Variants in THSD7A observed in about 807,000 individuals in gnomAD.
The protein encoded by THSD7A is thrombospondin type-1 domain-containing protein 7A.
In THSD7A, 96 loss-of-function variants were observed where a neutral mutation model predicts 231.3. That is an observed-to-expected ratio of 0.41 (90% CI 0.35 to 0.49). The LOEUF is 0.49. THSD7A is among the 20% of genes least tolerant of loss of function. The pLI is 0.05. For missense variants in THSD7A, 2,290 were observed against 2,070.2 expected, an observed-to-expected ratio of 1.11 and a Z score of -2.06; for synonymous variants, 940 against 743.3, an observed-to-expected ratio of 1.26 and a Z score of -4.30.
intron 1 of THSD7A, among the ~76,000 whole-genome samples, chr7:11,796,133 C>T (rs972397425): frequency 6.9e-6 from 1 of 145,172 alleles, no homozygotes; most frequent in African/African-American, 2.5e-5. Flanking sequence ...ACTTAGGAAG[C>T]ATTGATTAAT....
chr7:11,704,653 T>C (rs917280513), intron 1 of THSD7A, among the ~76,000 whole-genome samples: 1 of 151,034 alleles, frequency 6.6e-6, no homozygotes, highest in Non-Finnish European at 1.5e-5. Context: ...TCTTATTCAC[T>C]AGAGTGAAGT....
At chr7:11,436,499 A>G (rs945170103) in intron 13 of THSD7A, among the ~76,000 whole-genome samples, 2 of 152,064 alleles carry the variant, frequency 1.3e-5, no homozygotes, top group African/African-American at 4.8e-5. Flanking sequence ...CTTTTGGGTA[A>G]TACAAACTAT....
intron 1 of THSD7A, among the ~76,000 whole-genome samples, chr7:11,658,145 C>G (rs1782779901): frequency 6.6e-6 from 1 of 151,686 alleles, no homozygotes; most frequent in Non-Finnish European, 1.5e-5. Flanking sequence ...AAATTTGTGC[C>G]TGAAAACTAA....
chr7:11,454,932 C>A (rs182051690), intron 11 of THSD7A, among the ~76,000 whole-genome samples: 1 of 151,902 alleles, frequency 6.6e-6, no homozygotes. Context: ...TTTAAAAGTT[C>A]GGATCCTGCA....
chr7:11,461,955 G>A (rs1374822643), intron 10 of THSD7A, 56 bp downstream of exon 10: 4 of 1,581,568 alleles, frequency 2.5e-6, no homozygotes, highest in African/African-American at 2.7e-5. Context: ...AGGAAAGGAT[G>A]TGGAGTTGAC....
At chr7:11,508,481 T>C (rs1306100420) in intron 6 of THSD7A, among the ~76,000 whole-genome samples, 1 of 152,174 alleles carries the variant, frequency 6.6e-6, no homozygotes, top group African/African-American at 2.4e-5. Flanking sequence ...TTAGAATCCT[T>C]GTACATTATT....
At chr7:11,738,791 A>G (rs1204976839) in intron 1 of THSD7A, among the ~76,000 whole-genome samples, 6 of 151,974 alleles carry the variant, frequency 3.9e-5, no homozygotes, top group Admixed American at 3.9e-4. Flanking sequence ...TGGATGCTAG[A>G]AAAGGTAAGA....
At position 11,494,191 on chromosome 7, in the gene THSD7A, C is replaced by T. The variant is rs559892402; in HGVS notation, c.1823-12209G>A. On this transcript the variant is annotated intron_variant, in intron 6 of 27. Coordinates refer to ENST00000423059, the MANE Select transcript of THSD7A (RefSeq NM_015204.3). The stretch of plus-strand genomic sequence containing the variant: ...GTGGGCTGGTCTGCATGGATAAAGA[C>T]ATATTGAGTTTTAAAAACAAAACCA... Among the ~76,000 whole-genome samples, 32 of 152,102 alleles carry T rather than the reference C, an allele frequency of 2.1e-4. No homozygotes were observed. The South Asian group carries it at 6.4e-3, about 31-fold the overall frequency.
chr7:11,739,558 T>A (rs532062828), intron 1 of THSD7A, among the ~76,000 whole-genome samples: 1 of 151,930 alleles, frequency 6.6e-6, no homozygotes, highest in Admixed American at 6.6e-5. Flanking sequence ...AACATCATCA[T>A]CTCTTTCTTT....
At chr7:11,738,159 G>A (rs1781979469) in intron 1 of THSD7A, among the ~76,000 whole-genome samples, 1 of 151,908 alleles carries the variant, frequency 6.6e-6, no homozygotes, top group African/African-American at 2.4e-5. Context: ...TATACAAAAT[G>A]CTTGGGATAA....
rs375109289 is a variant in THSD7A at position 11,379,113 on chromosome 7, T to C, written c.4758A>G (p.Pro1586=). ...AVHPTQPSSN[P]AGRGRTWFLQ... ...GAAACCAGGTCCTTCCCCGTCCTGC[T>C]GGGTTACTGGAGGGTTGGGTTGGAT... is the stretch of plus-strand genomic sequence containing the variant. The change falls in exon 26 of 28, where the codon CCA becomes CCG. Residue 1586 remains proline (P), a synonymous_variant. Coordinates refer to ENST00000423059, the MANE Select transcript of THSD7A (RefSeq NM_015204.3). 3.0e-5 allele frequency: 49 copies of C among 1,613,628 alleles called. No homozygotes were observed. Among genetic ancestry groups the C allele is most frequent in the Non-Finnish European group, 4.1e-5 (48 of 1,179,684 alleles).
chr7:11,541,778 A>T (rs1789160254), intron 5 of THSD7A, 147 bp from the exon 6 acceptor site: 1 of 703,862 alleles, frequency 1.4e-6, no homozygotes, highest in East Asian at 2.7e-5. Context: ...CCCAAACTGT[A>T]GCTAATGTGA....
intron 1 of THSD7A, among the ~76,000 whole-genome samples, chr7:11,794,299 A>C (rs1784053743): frequency 6.6e-6 from 1 of 151,952 alleles, no homozygotes; most frequent in Admixed American, 6.6e-5. Context: ...TTGAGTCAGC[A>C]CTTCAAAGCT....
chr7:11,693,108 T>A (rs575899691), intron 1 of THSD7A, among the ~76,000 whole-genome samples: 97 of 151,702 alleles, frequency 6.4e-4, no homozygotes, highest in African/African-American at 2.2e-3. Context: ...TTCAAGAATA[T>A]AAACTTGTCC....
At chr7:11,530,936 C>T (rs1788683490) in intron 6 of THSD7A, among the ~76,000 whole-genome samples, 1 of 151,962 alleles carries the variant, frequency 6.6e-6, no homozygotes, top group Non-Finnish European at 1.5e-5. Flanking sequence ...GCTTGAAACT[C>T]GGAGGTGGAG....
intron 13 of THSD7A, among the ~76,000 whole-genome samples, chr7:11,433,109 G>A (rs112444843): frequency 2.0e-5 from 3 of 152,038 alleles, no homozygotes; most frequent in African/African-American, 7.2e-5. Context: ...TTGGAGTATC[G>A]ATAATGATCC....
In THSD7A at chr7:11,380,506, G is replaced by A. The variant is rs112756499; in HGVS notation, c.4508-794C>T. On this transcript the variant is annotated intron_variant, in intron 24 of 27. Coordinates refer to ENST00000423059, the MANE Select transcript of THSD7A (RefSeq NM_015204.3). Reference sequence around the variant, plus strand: ...GATTCTCTGGAATTTAATCACAGGCGCCTATTGCTAATTGTCTGTGTTTCT... The same window carrying A: ...GATTCTCTGGAATTTAATCACAGGCACCTATTGCTAATTGTCTGTGTTTCT... 3.8e-3 allele frequency among the ~76,000 whole-genome samples: 584 copies of A among 152,102 alleles called. 8 individuals carry two copies. The highest frequency in any genetic ancestry group is 0.013 in the African/African-American group (544 of 41,500).
chr7:11,681,096 C>T (rs557982499), intron 1 of THSD7A, among the ~76,000 whole-genome samples: 34 of 152,178 alleles, frequency 2.2e-4, no homozygotes, highest in East Asian at 1.2e-3. Context: ...CAAACTAACA[C>T]GGGAACAGAA....
chr7:11,454,326 A>G (rs994106174), intron 11 of THSD7A, among the ~76,000 whole-genome samples: 1 of 151,924 alleles, frequency 6.6e-6, no homozygotes, highest in African/African-American at 2.4e-5. Flanking sequence ...TTCCTGGAAT[A>G]TAACATTCTC....
Sources: allele counts gnomAD v4.1 joint callset (sites outside exome capture counted in the v4.1 genomes callset), GRCh38; gene constraint gnomAD v4.1.1; transcripts MANE v1.5; gene names NCBI Gene and HGNC (gene_info 2026-07-23, HGNC 2026-07-21).